ADGRV1: variants seen among roughly 807,000 people sequenced by gnomAD.
The protein encoded by ADGRV1 is adhesion G protein-coupled receptor V1.
ADGRV1 carries 359 observed loss-of-function variants against 596.2 expected under a neutral mutation model. That is an observed-to-expected ratio of 0.60 (90% confidence interval 0.55 to 0.66). ADGRV1 has a LOEUF of 0.66. Among genes scored for constraint, ADGRV1 ranks in the 30% least tolerant of loss-of-function variants. ADGRV1 has a pLI of 0.00. For synonymous variants in ADGRV1, 2,681 were observed against 2,679.2 expected (o/e 1.00, Z -0.02); for missense variants, 7,274 against 7,575.6 (o/e 0.96, Z 1.48).
At position 90,823,586 on chromosome 5, in the gene ADGRV1, A is replaced by G; in HGVS notation, c.16358A>G (p.Lys5453Arg). Residue 5453 changes from lysine (K) to arginine (R), a missense_variant, in exon 76 of 90, where the codon AAA (lysine) becomes AGA (arginine). Lys to Arg is a conservative substitution (Grantham distance 26, BLOSUM62 2). This residue lies in a region of ADGRV1 where 1,874 missense variants were observed against 1,970.2 expected (regional missense o/e 0.95). Transcript: ENST00000405460. ...QTKCFISIEL[K>R]PEKVPQVEVY... ...AAATGCTTTATCAGCATTGAACTCA[A>G]ACCAGAAAAGGTAAGAAATGAAGAG... 6.2e-7 allele frequency: 1 copy of G among 1,613,694 alleles called. No individual in the cohort carries two copies. The highest frequency in any genetic ancestry group is 8.5e-7 in the Non-Finnish European group (1 of 1,179,702).
intron 63 of ADGRV1, 24 bp from the exon 64 acceptor site, chr5:90,778,841 A>C: frequency 6.3e-7 from 1 of 1,575,088 alleles, no homozygotes; most frequent in Non-Finnish European, 8.7e-7. Context: ...ATCCAAATCA[A>C]ATAAGAAAAT....
intron 83 of ADGRV1, among the ~76,000 whole-genome samples, chr5:90,928,105 G>A (rs954824827): frequency 2.6e-5 from 4 of 152,060 alleles, no homozygotes; most frequent in Non-Finnish European, 5.9e-5. Flanking sequence ...TGATAATTAT[G>A]TGTCTTGAAG....
At chr5:90,674,400 T>C in intron 23 of ADGRV1, 166 bp downstream of exon 23, 1 of 424,220 alleles carries the variant, frequency 2.4e-6, no homozygotes, top group Non-Finnish European at 4.1e-6. Context: ...AGACATTGTT[T>C]ATGAGAGAAA....
chr5:90,979,039 G>A (rs944109716), intron 84 of ADGRV1, among the ~76,000 whole-genome samples: 1 of 151,820 alleles, frequency 6.6e-6, no homozygotes, highest in Non-Finnish European at 1.5e-5. Context: ...TGAAGATACA[G>A]AACAAATTAT....
rs952062982 is a variant in ADGRV1, at chr5:90,622,648, C to T, written c.505C>T (p.Leu169Phe). 2 of 1,549,422 alleles carry T rather than the reference C, an allele frequency of 1.3e-6. No individual in the cohort carries two copies. The highest frequency in any genetic ancestry group is 1.8e-5 in the Admixed American group (1 of 55,022). ...EPKGRNESMP[L>F]TLIREKGTYG... ...CAAGGGCAGAAATGAGTCTATGCCT[C>T]TTACTCTCATCAGGGAAAAGGGAAC... The change falls in exon 5 of 90, where the codon CTT becomes TTT. Residue 169 changes from leucine to phenylalanine, a missense_variant. Leu to Phe is a conservative substitution (Grantham distance 22). Around this residue, in one of 5 missense-constraint regions of ADGRV1, gnomAD observed 1,715 missense variants for 1,708.8 expected, o/e 1.00. Coordinates refer to ENST00000405460, the MANE Select transcript of ADGRV1 (RefSeq NM_032119.4).
chr5:91,085,871 A>G (rs1239734280), intron 86 of ADGRV1, among the ~76,000 whole-genome samples: 4 of 152,264 alleles, frequency 2.6e-5, no homozygotes, highest in Non-Finnish European at 5.9e-5. Flanking sequence ...ACTACTCTTG[A>G]AGAGTAGTTC....
rs1782603194 is a variant in ADGRV1 at position 91,010,116 on chromosome 5, T to C, written c.18152+24594T>C. ...AACATAATAGTCTTTAAACATGAAT[T>C]ACTAAAAACTGGCCGGGTTAGGAAG... On this transcript the variant is annotated intron_variant, in intron 85 of 89. Transcript: ENST00000405460. Among the ~76,000 whole-genome samples the C allele has an allele frequency of 2.0e-5, 3 of 152,054 alleles. No individual in the cohort carries two copies. In the South Asian group the frequency reaches 6.2e-4, roughly 31 times the overall value.
Position 90,853,553 on chromosome 5 carries a change from A to C in ADGRV1, c.17454+20A>C. On this transcript the variant is annotated intron_variant, in intron 80 of 89. Coordinates refer to ENST00000405460, the MANE Select transcript of ADGRV1 (RefSeq NM_032119.4). ...AATAAGGTAATCTTTCATTCAAAAC[A>C]CTTATGTGGTTGGAATCTGATTTAT... 1 of 1,597,784 alleles carries C rather than the reference A, an allele frequency of 6.3e-7. No homozygotes were observed. The highest frequency in any genetic ancestry group is 1.3e-5 in the African/African-American group (1 of 74,702).
Position 90,652,479 on chromosome 5 carries a change from G to A in ADGRV1, c.3550G>A (p.Ala1184Thr), listed in dbSNP as rs751608851. 2 of 1,613,352 alleles carry A rather than the reference G, an allele frequency of 1.2e-6. No individual in the cohort carries two copies. The highest frequency in any genetic ancestry group is 2.7e-5 in the African/African-American group (2 of 74,914). ...GTVNFMDGEEAKPIILHAFPD... is the reference protein window; with the variant it reads ...GTVNFMDGEETKPIILHAFPD... ...TGTTAACTTCATGGATGGAGAAGAA[G>A]CAAAACCAATCATTCTCCATGCTTT... The change falls in exon 19 of 90, where the codon GCA (alanine) becomes ACA (threonine). Residue 1184 changes from alanine to threonine, a missense_variant. Ala to Thr is a moderately conservative substitution (Grantham distance 58). Around this residue, in one of 5 missense-constraint regions of ADGRV1, gnomAD observed 1,715 missense variants for 1,708.8 expected, o/e 1.00. Transcript: ENST00000405460.
chr5:91,100,496 G>A (rs1791281708), intron 86 of ADGRV1, among the ~76,000 whole-genome samples: 1 of 151,494 alleles, frequency 6.6e-6, no homozygotes, highest in Non-Finnish European at 1.5e-5. Flanking sequence ...GAAGCAGGGA[G>A]GGAGGAAGGA....
chr5:90,995,741 T>C (rs541076010), intron 85 of ADGRV1, among the ~76,000 whole-genome samples: 18 of 152,272 alleles, frequency 1.2e-4, no homozygotes, highest in Non-Finnish European at 2.5e-4. Flanking sequence ...AAAGTGCTGA[T>C]AGTGATATAG....
In ADGRV1 at chr5:90,725,559, T is replaced by C; in HGVS notation, c.10064T>C (p.Ile3355Thr). The change falls in exon 48 of 90, where the codon ATC (isoleucine) becomes ACC (threonine). Residue 3355 changes from isoleucine to threonine, a missense_variant. By Grantham distance (89) the Ile-to-Thr change is moderately conservative (BLOSUM62 -1). Coordinates refer to ENST00000405460, the MANE Select transcript of ADGRV1 (RefSeq NM_032119.4). The part of the protein sequence containing the change: ...SGFKLFLVQT[I>T]IILESSQVRY... Reference sequence around the variant, plus strand: ...ACTCTGTCCTTGCAGGTACAAACAATCATTATTCTGGAAAGTTCTCAAGTA... The same window carrying C: ...ACTCTGTCCTTGCAGGTACAAACAACCATTATTCTGGAAAGTTCTCAAGTA... 1 of 1,536,438 alleles carries C rather than the reference T, an allele frequency of 6.5e-7. No individual in the cohort carries two copies. Among genetic ancestry groups the C allele is most frequent in the Non-Finnish European group, 9.0e-7 (1 of 1,109,810 alleles).
chr5:90,945,619 A>T (rs747822591), intron 83 of ADGRV1, among the ~76,000 whole-genome samples: 3 of 152,222 alleles, frequency 2.0e-5, no homozygotes, highest in Non-Finnish European at 4.4e-5. Flanking sequence ...TAATGCCTTC[A>T]TCCTACAGAT....
In ADGRV1 at chr5:90,989,878, G is replaced by A. The variant is rs185051259; in HGVS notation, c.18152+4356G>A. ...GTTGCCCGGGCTGGAGTGCAATGGC[G>A]TGATCTCAGCTCACTGCAACCTCCG... On this transcript the variant is annotated intron_variant, in intron 85 of 89. Transcript: ENST00000405460. Among the ~76,000 whole-genome samples the A allele has an allele frequency of 3.4e-3, 523 of 152,150 alleles. 2 individuals carry two copies. Among genetic ancestry groups the A allele is most frequent in the Middle Eastern group, 0.014 (4 of 294 alleles).
intron 83 of ADGRV1, among the ~76,000 whole-genome samples, chr5:90,963,089 C>T (rs1046937858): frequency 4.6e-5 from 7 of 152,066 alleles, no homozygotes; most frequent in Admixed American, 2.0e-4. Flanking sequence ...AACAAAACTA[C>T]GAAGTAAACT....
At chr5:90,807,477 T>G in intron 72 of ADGRV1, 125 bp from the exon 73 acceptor site, 1 of 949,870 alleles carries the variant, frequency 1.1e-6, no homozygotes. Context: ...TTTAAAAATG[T>G]TTTACCTTTT....
At chr5:90,792,963 A>G (rs1760245503) in intron 70 of ADGRV1, 2 of 152,204 alleles carry the variant, frequency 1.3e-5, no homozygotes. Context: ...GGAGACTGGA[A>G]CACTTGGAGA....
rs1162136399 is a variant in ADGRV1 at position 90,974,187 on chromosome 5, A to G, written c.17973+8656A>G. 1.1e-4 allele frequency among the ~76,000 whole-genome samples: 16 copies of G among 152,328 alleles called. No individual in the cohort carries two copies. The South Asian group carries it at 2.9e-3, about 28-fold the overall frequency. On this transcript the variant is annotated intron_variant, in intron 84 of 89. Coordinates refer to ENST00000405460, the MANE Select transcript of ADGRV1 (RefSeq NM_032119.4). ...AAGGAGAACTACAAACCACTGCTCA[A>G]TGAAATAAAAGAGGACACAAAGAAA...
chr5:90,989,093 G>A (rs950586929), intron 85 of ADGRV1, among the ~76,000 whole-genome samples: 129 of 152,070 alleles, frequency 8.5e-4, no homozygotes, highest in African/African-American at 2.8e-3. Flanking sequence ...TAGTGCCACA[G>A]TAAACATACG....
Sources: gnomAD v4.1 joint callset for allele counts (sites outside exome capture counted in the v4.1 genomes callset) on GRCh38, gnomAD v4.1.1 for gene constraint, gnomAD v4.1.1 regional missense constraint, MANE v1.5 for transcripts, NCBI Gene and HGNC (gene_info 2026-07-23, HGNC 2026-07-21) for gene names.